The following DNAH8 variants were observed in gnomAD, a reference collection of about 807,000 sequenced individuals.
DNAH8 encodes dynein axonemal heavy chain 8.
A neutral mutation model predicts 562.1 loss-of-function variants in DNAH8; 382 were observed. That is an observed-to-expected ratio of 0.68 (90% CI 0.63 to 0.74). DNAH8 has a LOEUF of 0.74. DNAH8 is among the 30% of genes least tolerant of loss of function. DNAH8 has a pLI of 0.00. For missense variants in DNAH8, 5,203 were observed against 5,620.4 expected (o/e 0.93, Z 2.37); for synonymous variants, 1,881 against 1,919.4 (o/e 0.98, Z 0.52).
At chr6:39,019,252 G>A (rs1272440415) in intron 91 of DNAH8, among the ~76,000 whole-genome samples, 1 of 152,052 alleles carries the variant, frequency 6.6e-6, no homozygotes. Context: ...GCGGCACCTC[G>A]CACACTGTAA....
In DNAH8 at chr6:38,805,517, G is replaced by A. The variant is rs874808; in HGVS notation, c.3071G>A (p.Gly1024Glu). ...RKHVVFGSET[G>E]EGENNDYEAN... is the part of the protein sequence containing the mutation. ...CACGTTGTTTTTGGAAGTGAAACAG[G>A]AGAGGGTGAAAACAATGACTATGAA... Residue 1024 changes from glycine to glutamate, a missense_variant, in exon 23 of 93, where the codon GGA becomes GAA. Physicochemically the swap from Gly to Glu is moderately conservative, Grantham distance 98 (BLOSUM62 -2). Transcript: ENST00000327475. 0.44 allele frequency: 710,895 copies of A among 1,602,908 alleles called. 162,349 individuals carry two copies. The highest frequency in any genetic ancestry group is 0.7 in the East Asian group (31,164 of 44,666).
chr6:38,955,744 C>A (rs974301047), intron 82 of DNAH8, among the ~76,000 whole-genome samples: 3 of 152,116 alleles, frequency 2.0e-5, no homozygotes, highest in Non-Finnish European at 4.4e-5. Flanking sequence ...CCCTCATATC[C>A]CACCACCACA....
chr6:38,870,061 G>A (rs1349914850), intron 48 of DNAH8, among the ~76,000 whole-genome samples: 3 of 152,174 alleles, frequency 2.0e-5, no homozygotes, highest in African/African-American at 7.2e-5. Flanking sequence ...CATGTGCAAG[G>A]GAACTCCCGT....
At position 38,883,877 on chromosome 6, in the gene DNAH8, G is replaced by A. The variant is rs1554127099; in HGVS notation, c.8138G>A (p.Arg2713Lys). 2 of 1,574,660 alleles carry A rather than the reference G, an allele frequency of 1.3e-6. No individual in the cohort carries two copies. The highest frequency in any genetic ancestry group is 1.7e-6 in the Non-Finnish European group (2 of 1,159,654). Residue 2713 changes from arginine (R) to lysine (K), a missense_variant and splice_region_variant, in exon 56 of 93, where the codon AGA (arginine) becomes AAA (lysine). Physicochemically the swap from Arg to Lys is conservative, Grantham distance 26 (BLOSUM62 2). Coordinates refer to ENST00000327475, the MANE Select transcript of DNAH8 (RefSeq NM_001206927.2). ...SSATEPMMFQ[R>K]TIESYVDKRI... ...GACAAAACGTTTCCTTCTCTCTAGAGAACAATTGAAAGCTACGTGGATAAG... is the reference window on the plus strand; with the variant it reads ...GACAAAACGTTTCCTTCTCTCTAGAAAACAATTGAAAGCTACGTGGATAAG...
At chr6:38,759,041 G>A (rs1328252433) in intron 10 of DNAH8, among the ~76,000 whole-genome samples, 1 of 152,120 alleles carries the variant, frequency 6.6e-6, no homozygotes, top group African/African-American at 2.4e-5. Context: ...TGGTGGTTCA[G>A]GCTGTAATCC....
chr6:38,923,889 A>G (rs1781911470), intron 72 of DNAH8, 102 bp from the exon 73 acceptor site: 2 of 1,293,588 alleles, frequency 1.5e-6, no homozygotes, highest in African/African-American at 1.5e-5. Context: ...AAGCAGGGGC[A>G]AAGAAGGATT....
In DNAH8 at chr6:38,876,896, A is replaced by C. The variant is rs537615788; in HGVS notation, c.7858+1068A>C. 3.4e-4 allele frequency among the ~76,000 whole-genome samples: 52 copies of C among 152,226 alleles called. 1 individual carries two copies. Among genetic ancestry groups the C allele is most frequent in the Non-Finnish European group, 6.0e-4 (41 of 68,050 alleles). The stretch of plus-strand genomic sequence containing the variant: ...AAGTGGAAATTTGTGTTTGAAAGGG[A>C]CTGAGATAAATAAATTTTTTCAGTG... On this transcript the variant is annotated intron_variant, in intron 53 of 92. Transcript: ENST00000327475.
chr6:38,815,251 G>A (rs1280470797), intron 25 of DNAH8, among the ~76,000 whole-genome samples: 4 of 152,130 alleles, frequency 2.6e-5, no homozygotes, highest in African/African-American at 7.2e-5. Context: ...GCATTAGCTC[G>A]TGGTGTAATG....
In DNAH8 at chr6:38,908,135, TTATTTA is replaced by T; in HGVS notation, c.9513+19_9513+24del. ...GCTTTTCTCCAGTAAGTTTTTATTT[TTATTTA>T]TATCTACGTAGAAAGAGTTCCTTAT... is the stretch of plus-strand genomic sequence containing the variant. On this transcript the variant is annotated intron_variant, in intron 64 of 92. Transcript: ENST00000327475. 2.0e-6 allele frequency: 3 copies of T among 1,496,672 alleles called. No individual in the cohort carries two copies. Among genetic ancestry groups the T allele is most frequent in the East Asian group, 4.7e-5 (2 of 42,524 alleles). The allele number at this position is 1,496,672 out of a possible 1,614,324, so 92.7% of individuals were successfully genotyped here. A position where few individuals can be genotyped will look rare whatever the true frequency, so the allele number is the denominator to read the frequency against.
chr6:38,966,170 G>A (rs956532717), intron 82 of DNAH8, among the ~76,000 whole-genome samples: 5 of 151,896 alleles, frequency 3.3e-5, no homozygotes, highest in South Asian at 2.1e-4. Context: ...AAAGAGGGGC[G>A]TAACTACTTA....
chr6:38,716,039 AT>A (rs1461384522), intron 1 of DNAH8, among the ~76,000 whole-genome samples: 2 of 139,660 alleles, frequency 1.4e-5, no homozygotes, highest in Admixed American at 1.5e-4. Context: ...GCTCACTGCA[AT>A]TTCTGCCTCC....
intron 81 of DNAH8, among the ~76,000 whole-genome samples, chr6:38,950,426 C>T (rs996055468): frequency 6.6e-6 from 1 of 150,442 alleles, no homozygotes; most frequent in East Asian, 1.9e-4. Flanking sequence ...CCTCATAGTC[C>T]GCAGAGTATG....
rs544719525 is a variant in DNAH8, at chr6:38,814,183, A to G, written c.3333+54A>G. On this transcript the variant is annotated intron_variant, in intron 25 of 92. Transcript: ENST00000327475. ...TGATAAGGTGCTTAAGAAGTATAGT[A>G]CTAGAACTGAGCTTTCATTTAGGTA... The G allele has an allele frequency of 6.2e-5, 63 of 1,011,310 alleles. 2 individuals carry two copies. In the Admixed American group the frequency reaches 1.4e-3, roughly 22 times the overall value. The allele number at this position is 1,011,310 out of a possible 1,614,324, so 62.6% of individuals were successfully genotyped here. A position where few individuals can be genotyped will look rare whatever the true frequency, so the allele number is the denominator to read the frequency against.
chr6:39,008,803 C>G lies in DNAH8; in HGVS notation c.13215-11C>G, dbSNP rs747420191. 6.4e-7 allele frequency: 1 copy of G among 1,574,570 alleles called. No individual in the cohort carries two copies. Among genetic ancestry groups the G allele is most frequent in the Admixed American group, 1.7e-5 (1 of 58,594 alleles). ...CCTGTAACATTCTGAACAGCTCACT[C>G]TTTTTACTAGGTATCAGAGTAACAC... On this transcript the variant is annotated splice_polypyrimidine_tract_variant and intron_variant, in intron 88 of 92. Transcript: ENST00000327475.
rs1778618962 is a variant in DNAH8, at chr6:38,882,949, A to G, written c.7898A>G (p.Tyr2633Cys). 6.2e-7 allele frequency: 1 copy of G among 1,604,208 alleles called. No homozygotes were observed. The highest frequency in any genetic ancestry group is 1.3e-5 in the African/African-American group (1 of 74,638). Reference sequence around the variant, plus strand: ...TGGAATAAGAAACTTCAGCCTTATTATTATCCAACTGACAGTATTCCGGAA... The same window carrying G: ...TGGAATAAGAAACTTCAGCCTTATTGTTATCCAACTGACAGTATTCCGGAA... ...EHWNKKLQPY[Y>C]YPTDSIPEYS... Residue 2633 changes from tyrosine (Y) to cysteine (C), a missense_variant, in exon 54 of 93, where the codon TAT becomes TGT. By Grantham distance (194) the Tyr-to-Cys change is radical. This residue lies in a region of DNAH8 where 977 missense variants were observed against 1,061.8 expected (regional missense o/e 0.92). Coordinates refer to ENST00000327475, the MANE Select transcript of DNAH8 (RefSeq NM_001206927.2).
intron 88 of DNAH8, among the ~76,000 whole-genome samples, chr6:39,005,953 G>A (rs955305283): frequency 6.6e-6 from 1 of 152,230 alleles, no homozygotes; most frequent in Non-Finnish European, 1.5e-5. Context: ...TGCCATTACT[G>A]GCTTTGCAAA....
intron 75 of DNAH8, among the ~76,000 whole-genome samples, chr6:38,930,091 G>A (rs1367569789): frequency 2.6e-5 from 4 of 152,034 alleles, no homozygotes; most frequent in Admixed American, 2.6e-4. Context: ...TTCTTCCCTG[G>A]AGAAAATGAC....
At position 38,873,251 on chromosome 6, in the gene DNAH8, C is replaced by T. The variant is rs1777609797; in HGVS notation, c.7495C>T (p.Arg2499Cys). ...TTTGTTGCAGGCATGGTTGAAGAAACGCACTGCACAGGAAGCTGCTGTATT... is the reference window on the plus strand; with the variant it reads ...TTTGTTGCAGGCATGGTTGAAGAAATGCACTGCACAGGAAGCTGCTGTATT... ...RPILQAWLKK[R>C]TAQEAAVFLT... Residue 2499 changes from arginine (R) to cysteine (C), a missense_variant, in exon 52 of 93, where the codon CGC (arginine) becomes TGC (cysteine). By Grantham distance (180) the Arg-to-Cys change is radical (BLOSUM62 -3). Transcript: ENST00000327475. The T allele has an allele frequency of 4.3e-6, 7 of 1,613,142 alleles. No homozygotes were observed. The highest frequency in any genetic ancestry group is 1.7e-4 in the Middle Eastern group (1 of 6,054).
Position 38,857,643 on chromosome 6 carries a change from CATT to C in DNAH8, c.5861_5863del (p.Ile1954del). On this transcript the variant is annotated inframe_deletion, in exon 42 of 93. Transcript: ENST00000327475. ...AATTTTTGGATATTCTAAATACTCT[CATT>C]AGTCAGACAACACATGATCTAAGCA... 1 of 1,613,510 alleles carries C rather than the reference CATT, an allele frequency of 6.2e-7. No individual in the cohort carries two copies. Among genetic ancestry groups the C allele is most frequent in the Non-Finnish European group, 8.5e-7 (1 of 1,179,536 alleles).
Sources: allele counts gnomAD v4.1 joint callset (sites outside exome capture counted in the v4.1 genomes callset), GRCh38; gene constraint gnomAD v4.1.1; regional missense constraint gnomAD v4.1.1; transcripts MANE v1.5; gene names NCBI Gene and HGNC (gene_info 2026-07-23, HGNC 2026-07-21).